The following TLN2 variants were observed in gnomAD, a reference collection of about 807,000 sequenced individuals.
TLN2 encodes the protein talin-2.
In TLN2, 118 loss-of-function variants were observed where a neutral mutation model predicts 294.7. The ratio of observed to expected loss-of-function variants is 0.40; its 90% confidence interval spans 0.34 to 0.47. TLN2 has a LOEUF of 0.47. Among genes scored for constraint, TLN2 ranks in the 20% least tolerant of loss-of-function variants. TLN2 has a pLI of 0.84. For missense variants in TLN2, 3,083 were observed against 3,282.2 expected, an observed-to-expected ratio of 0.94 and a Z score of 1.48; for synonymous variants, 1,431 against 1,304.5, an observed-to-expected ratio of 1.10 and a Z score of -2.09.
chr15:62,792,026 T>C (rs1423356843), intron 45 of TLN2, among the ~76,000 whole-genome samples: 1 of 152,188 alleles, frequency 6.6e-6, no homozygotes, highest in Non-Finnish European at 1.5e-5. Flanking sequence ...ATGTACCTTT[T>C]AAAGGAAACC....
At chr15:62,695,425 A>T (rs1339935906) in intron 14 of TLN2, among the ~76,000 whole-genome samples, 1 of 152,150 alleles carries the variant, frequency 6.6e-6, no homozygotes, top group Non-Finnish European at 1.5e-5. Context: ...AGGAGGCTAC[A>T]GTGGTCCCAG....
At chr15:62,705,187 C>A (rs1049702166) in intron 19 of TLN2, among the ~76,000 whole-genome samples, 2 of 152,184 alleles carry the variant, frequency 1.3e-5, no homozygotes, top group Non-Finnish European at 2.9e-5. Flanking sequence ...TCCTACAGAG[C>A]CTTTGTTAGC....
Position 62,655,588 on chromosome 15 carries a change from C to CTTTAGGA in TLN2, c.518-356_518-355insTTTAGGA, listed in dbSNP as rs2053122355. 2.6e-4 allele frequency among the ~76,000 whole-genome samples: 3 copies of CTTTAGGA among 11,504 alleles called. 1 individual carries two copies. The highest frequency in any genetic ancestry group is 2.8e-4 in the African/African-American group (3 of 10,584). 7.5% of individuals were successfully genotyped at this position (11,504 alleles called of 152,430 possible). The stretch of plus-strand genomic sequence containing the variant: ...AGCATATTATACATTCATTGTAGCA[C>CTTTAGGA]ATGTCACCGTGGGTTGGCTGGCACT... On this transcript the variant is annotated intron_variant, in intron 7 of 58. Transcript: ENST00000636159.
intron 1 of TLN2, among the ~76,000 whole-genome samples, chr15:62,500,840 G>A (rs557852890): frequency 2.6e-5 from 4 of 152,160 alleles, no homozygotes; most frequent in Non-Finnish European, 2.9e-5. Context: ...AGTTAAAGAC[G>A]CAGAAGAAAG....
At chr15:62,731,429 A>G (rs1056085604) in intron 28 of TLN2, among the ~76,000 whole-genome samples, 2 of 151,528 alleles carry the variant, frequency 1.3e-5, no homozygotes, top group East Asian at 3.9e-4. Flanking sequence ...CCTACATAGG[A>G]TTACTCTTCG....
chr15:62,693,198 G>A (rs1333480828), intron 13 of TLN2, among the ~76,000 whole-genome samples: 1 of 152,142 alleles, frequency 6.6e-6, no homozygotes, highest in Non-Finnish European at 1.5e-5. Context: ...CGGGCGTGGT[G>A]GCAGGCGCCT....
Position 62,708,660 on chromosome 15 carries a change from C to T in TLN2, c.2331C>T (p.Val777=), listed in dbSNP as rs150029431. ...AGGTCAGCGCAGCGGCCAGCGTGGT[C>T]AGCCAGGCCCTCCATGATCTCCTGC... is the stretch of plus-strand genomic sequence containing the variant. ...LKQVSAAASV[V]SQALHDLLQH... The change falls in exon 21 of 59, where the codon GTC becomes GTT. Residue 777 remains valine (V), a synonymous_variant. Coordinates refer to ENST00000636159, the MANE Select transcript of TLN2 (RefSeq NM_015059.3). 1.3e-4 allele frequency: 202 copies of T among 1,614,074 alleles called. No homozygotes were observed. The highest frequency in any genetic ancestry group is 1.7e-4 in the Non-Finnish European group (201 of 1,180,054).
intron 51 of TLN2, among the ~76,000 whole-genome samples, chr15:62,806,000 G>A (rs980194034): frequency 2.0e-5 from 3 of 152,094 alleles, no homozygotes; most frequent in Non-Finnish European, 2.9e-5. Context: ...ACCAGCCTGG[G>A]CAACATAGTG....
intron 1 of TLN2, among the ~76,000 whole-genome samples, chr15:62,464,897 TTGA>T (rs1366372116): frequency 6.6e-6 from 1 of 152,182 alleles, no homozygotes; most frequent in African/African-American, 2.4e-5. Context: ...ACTCAGCATC[TTGA>T]TGATGATTTC....
At chr15:62,582,215 C>CACACACACACACACACACAT (rs2045132966) in intron 1 of TLN2, among the ~76,000 whole-genome samples, 5 of 134,250 alleles carry the variant, frequency 3.7e-5, no homozygotes, top group Non-Finnish European at 8.1e-5. Flanking sequence ...CACACACACA[C>CACACACACACACACACACAT]ACACACACAC....
At chr15:62,533,293 C>T (rs981457297) in intron 1 of TLN2, among the ~76,000 whole-genome samples, 9 of 147,654 alleles carry the variant, frequency 6.1e-5, no homozygotes, top group African/African-American at 2.2e-4. Context: ...TTCTTGGGCC[C>T]AGGAATGGGA....
intron 1 of TLN2, among the ~76,000 whole-genome samples, chr15:62,464,967 A>G (rs1220202008): frequency 1.3e-5 from 2 of 152,158 alleles, no homozygotes; most frequent in Admixed American, 6.5e-5. Flanking sequence ...TCTGTTGCCC[A>G]TGGGCACTAT....
At chr15:62,806,841 G>T (rs1297801988) in intron 51 of TLN2, among the ~76,000 whole-genome samples, 1 of 152,170 alleles carries the variant, frequency 6.6e-6, no homozygotes, top group Non-Finnish European at 1.5e-5. Context: ...CCTACAGCGT[G>T]GGGTCTCAGG....
chr15:62,690,895 T>C (rs2057822780), intron 12 of TLN2, among the ~76,000 whole-genome samples: 2 of 151,292 alleles, frequency 1.3e-5, no homozygotes, highest in Admixed American at 6.6e-5. Flanking sequence ...GCGCCTGCAA[T>C]CGCAGGCACT....
At chr15:62,693,120 A>G (rs1166727038) in intron 13 of TLN2, among the ~76,000 whole-genome samples, 179 bp downstream of exon 13, 2 of 152,190 alleles carry the variant, frequency 1.3e-5, no homozygotes, top group South Asian at 4.1e-4. Flanking sequence ...ACCTGAGGTC[A>G]GGTATTAGAG....
intron 1 of TLN2, among the ~76,000 whole-genome samples, chr15:62,460,080 C>T (rs1365236519): frequency 1.3e-5 from 2 of 152,156 alleles, no homozygotes; most frequent in Non-Finnish European, 2.9e-5. Context: ...GCATCAGCCT[C>T]AGGCAGTGAC....
At chr15:62,441,955 T>C (rs950744305) in intron 1 of TLN2, among the ~76,000 whole-genome samples, 2 of 152,156 alleles carry the variant, frequency 1.3e-5, no homozygotes, top group African/African-American at 4.8e-5. Flanking sequence ...TCTATCTGGC[T>C]GTCCATCTTT....
chr15:62,429,603 A>G (rs1280598197), intron 1 of TLN2, among the ~76,000 whole-genome samples: 1 of 152,182 alleles, frequency 6.6e-6, no homozygotes, highest in Non-Finnish European at 1.5e-5. Flanking sequence ...GAGAGGAAGT[A>G]GTCTGGAAGT....
intron 1 of TLN2, among the ~76,000 whole-genome samples, chr15:62,508,351 G>A (rs1381179058): frequency 2.0e-5 from 3 of 152,062 alleles, no homozygotes; most frequent in African/African-American, 4.8e-5. Context: ...CGGGTAGCTG[G>A]GACTACAGGC....
Sources: gnomAD v4.1 joint callset for allele counts (sites outside exome capture counted in the v4.1 genomes callset) on GRCh38, gnomAD v4.1.1 for gene constraint, MANE v1.5 for transcripts, NCBI Gene and HGNC (gene_info 2026-07-23, HGNC 2026-07-21) for gene names.